CFAP91: variants seen among roughly 807,000 people sequenced by gnomAD.
CFAP91 encodes the protein cilia and flagella associated protein 91, also known as cilia- and flagella-associated protein 91.
Under a neutral mutation model 95.9 loss-of-function variants are expected in CFAP91, and 85 were observed. The ratio of observed to expected loss-of-function variants is 0.89; its 90% CI spans 0.74 to 1.06. The LOEUF is 1.06. Among genes scored for constraint, CFAP91 ranks in the 50% least tolerant of loss-of-function variants. CFAP91 has a pLI of 0.00. For missense variants in CFAP91, 962 were observed against 943.4 expected, an observed-to-expected ratio of 1.02 and a Z score of -0.26; for synonymous variants, 335 against 327.5, an observed-to-expected ratio of 1.02 and a Z score of -0.25.
At chr3:119,750,711 CA>C (rs2054309258) in intron 16 of CFAP91, 1 of 533,922 alleles carries the variant, frequency 1.9e-6, no homozygotes, top group Non-Finnish European at 3.4e-6. Flanking sequence ...GCAGGCATTC[CA>C]GATGAGGGAA....
chr3:119,748,184 T>A (rs184733343), intron 16 of CFAP91, among the ~76,000 whole-genome samples: 29 of 152,354 alleles, frequency 1.9e-4, no homozygotes, highest in East Asian at 9.6e-4. Context: ...TGTATTTTTT[T>A]ATTTATTTTT....
At chr3:119,745,017 A>T (rs2054195179) in intron 14 of CFAP91, among the ~76,000 whole-genome samples, 1 of 152,168 alleles carries the variant, frequency 6.6e-6, no homozygotes, top group Non-Finnish European at 1.5e-5. Flanking sequence ...AAAAGCTGGT[A>T]AAAAAGCTTC....
At chr3:119,760,377 A>G (rs1577251845) in intron 17 of CFAP91, among the ~76,000 whole-genome samples, 2 of 151,888 alleles carry the variant, frequency 1.3e-5, no homozygotes, top group South Asian at 4.1e-4. Context: ...GGAGCCCCTA[A>G]ATATATAAAA....
chr3:119,732,782 C>G (rs2053927563), intron 9 of CFAP91, among the ~76,000 whole-genome samples: 1 of 152,062 alleles, frequency 6.6e-6, no homozygotes, highest in Admixed American at 6.6e-5. Context: ...ATGAAGCCAA[C>G]AAGAAATATG....
Position 119,703,203 on chromosome 3 carries a change from A to G in CFAP91, c.105A>G (p.Arg35=). 1 of 1,612,026 alleles carries G rather than the reference A, an allele frequency of 6.2e-7. No homozygotes were observed. The highest frequency in any genetic ancestry group is 8.5e-7 in the Non-Finnish European group (1 of 1,179,150). Residue 35 remains arginine (R), a synonymous_variant, in exon 1 of 18, where the codon CGA becomes CGG. Coordinates refer to ENST00000273390, the MANE Select transcript of CFAP91 (RefSeq NM_033364.4). The part of the protein sequence containing the change: ...SRAGSHISSN[R]AYDFLYDPLF... ...CTGGGAGCCACATCTCCTCCAATCG[A>G]GCGTATGATTTTCTGTACGGTAAGG...
intron 6 of CFAP91, among the ~76,000 whole-genome samples, chr3:119,717,926 C>A (rs2053609316): frequency 6.6e-6 from 1 of 151,870 alleles, no homozygotes; most frequent in Non-Finnish European, 1.5e-5. Context: ...ATTTCCAGGA[C>A]CACCTGGAAA....
intron 17 of CFAP91, chr3:119,752,198 C>T (rs2054339121): frequency 6.6e-6 from 1 of 152,108 alleles, no homozygotes. Flanking sequence ...GGGGAGAGTA[C>T]TGGGGCTAGG....
intron 6 of CFAP91, among the ~76,000 whole-genome samples, chr3:119,723,286 G>A (rs2053720913): frequency 6.6e-6 from 1 of 152,174 alleles, no homozygotes; most frequent in Admixed American, 6.5e-5. Context: ...ATATACTTCT[G>A]AGGGTAAATT....
intron 17 of CFAP91, among the ~76,000 whole-genome samples, chr3:119,755,571 T>C (rs2054411026): frequency 6.6e-6 from 1 of 152,156 alleles, no homozygotes; most frequent in Non-Finnish European, 1.5e-5. Flanking sequence ...GCCATCTAGA[T>C]GACAGGAAGA....
At position 119,766,531 on chromosome 3, in the gene CFAP91, G is replaced by A. The variant is rs1410649343; in HGVS notation, c.*1481G>A. On this transcript the variant is annotated 3_prime_UTR_variant, in exon 18 of 18. Coordinates refer to ENST00000273390, the MANE Select transcript of CFAP91 (RefSeq NM_033364.4). Reference sequence around the variant, plus strand: ...ATTCACTTTTGAAATAAACCATCGAGAACACAAAATGACAAGTGAGTTAGG... The same window carrying A: ...ATTCACTTTTGAAATAAACCATCGAAAACACAAAATGACAAGTGAGTTAGG... The A allele has an allele frequency of 1.3e-5, 2 of 152,094 alleles. No individual in the cohort carries two copies. The highest frequency in any genetic ancestry group is 6.5e-5 in the Admixed American group (1 of 15,274). The allele number at this position is 152,094 out of a possible 1,614,324, so 9.4% of individuals were successfully genotyped here. A position where few individuals can be genotyped will look rare whatever the true frequency, so the allele number is the denominator to read the frequency against.
At chr3:119,706,594 C>T in intron 1 of CFAP91, 1 of 504,074 alleles carries the variant, frequency 2.0e-6, no homozygotes, top group Admixed American at 3.4e-5. Flanking sequence ...ACTTGGAATA[C>T]TCAGAAAAGA....
intron 7 of CFAP91, among the ~76,000 whole-genome samples, chr3:119,728,734 C>T (rs556444132): frequency 6.6e-6 from 1 of 152,314 alleles, no homozygotes; most frequent in African/African-American, 2.4e-5. Context: ...TTCAGCTTCC[C>T]CTGCTGAGGC....
At chr3:119,737,920 C>T (rs1363481354) in intron 11 of CFAP91, among the ~76,000 whole-genome samples, 1 of 152,162 alleles carries the variant, frequency 6.6e-6, no homozygotes, top group Admixed American at 6.5e-5. Context: ...CTGCCCAGGG[C>T]CACATCTCAC....
intron 4 of CFAP91, among the ~76,000 whole-genome samples, chr3:119,708,999 A>G (rs1327734270): frequency 6.6e-6 from 1 of 152,226 alleles, no homozygotes; most frequent in Non-Finnish European, 1.5e-5. Flanking sequence ...TGTATTTGAA[A>G]ATATTTGAAA....
intron 12 of CFAP91, among the ~76,000 whole-genome samples, chr3:119,740,075 A>C (rs1429601142): frequency 6.6e-6 from 1 of 152,240 alleles, no homozygotes; most frequent in African/African-American, 2.4e-5. Context: ...CATCTGGATG[A>C]ACAACTTGTG....
At chr3:119,755,324 A>G (rs1374305208) in intron 17 of CFAP91, among the ~76,000 whole-genome samples, 1 of 152,170 alleles carries the variant, frequency 6.6e-6, no homozygotes, top group Non-Finnish European at 1.5e-5. Flanking sequence ...GAAAATGCGT[A>G]TGTTGAAGCT....
intron 6 of CFAP91, among the ~76,000 whole-genome samples, chr3:119,717,530 C>A (rs1467597772): frequency 1.4e-5 from 2 of 144,554 alleles, no homozygotes; most frequent in Non-Finnish European, 3.0e-5. Flanking sequence ...AAGCTAATAT[C>A]TGTTAAGTAA....
intron 3 of CFAP91, among the ~76,000 whole-genome samples, chr3:119,708,144 G>C (rs998624469): frequency 1.3e-5 from 2 of 151,900 alleles, no homozygotes; most frequent in East Asian, 3.9e-4. Flanking sequence ...AGCCGGGTGT[G>C]GTGGCAGGTG....
chr3:119,720,406 AAAAG>A lies in CFAP91; in HGVS notation c.682+4667_682+4670del, dbSNP rs1404272453. Among the ~76,000 whole-genome samples, 1,000 of 141,338 alleles carry A rather than the reference AAAAG, an allele frequency of 7.1e-3. 8 individuals are homozygous for A. Among genetic ancestry groups the A allele is most frequent in the African/African-American group, 0.026 (961 of 36,362 alleles). 92.7% of individuals were successfully genotyped at this position (141,338 alleles called of 152,430 possible). On this transcript the variant is annotated intron_variant, in intron 6 of 17. Coordinates refer to ENST00000273390, the MANE Select transcript of CFAP91 (RefSeq NM_033364.4). ...AGCAAGACTCTGTCTCAAAAAAAAA[AAAAG>A]AAAAGAAAACTTAGATAAATTATAC...
Sources: gnomAD v4.1 joint callset for allele counts (sites outside exome capture counted in the v4.1 genomes callset) on GRCh38, gnomAD v4.1.1 for gene constraint, MANE v1.5 for transcripts, NCBI Gene and HGNC (gene_info 2026-07-23, HGNC 2026-07-21) for gene names.